Variants in LUZP2 observed in about 807,000 individuals in gnomAD.
The protein encoded by LUZP2 is leucine zipper protein 2.
In LUZP2, 52 loss-of-function variants were observed where a neutral mutation model predicts 51.6. The ratio of observed to expected loss-of-function variants is 1.01; its 90% CI spans 0.81 to 1.27. The LOEUF (loss-of-function observed/expected upper bound fraction) is 1.27. Ranked by LOEUF, LUZP2 falls within the 50% of genes most tolerant of loss-of-function variation. The pLI, the probability that LUZP2 is intolerant of heterozygous loss-of-function variation, is 0.00. For synonymous variants in LUZP2, 154 were observed against 137.3 expected (o/e 1.12, Z -0.85); for missense variants, 436 against 395.4 (o/e 1.10, Z -0.87).
intron 4 of LUZP2, among the ~76,000 whole-genome samples, chr11:24,761,103 T>G (rs1859961975): frequency 6.6e-6 from 1 of 152,166 alleles, no homozygotes; most frequent in Non-Finnish European, 1.5e-5. Context: ...TAATCTGTTC[T>G]TGCATTGTTA....
intron 9 of LUZP2, among the ~76,000 whole-genome samples, chr11:25,013,296 T>G (rs1857033834): frequency 1.3e-5 from 2 of 152,066 alleles, no homozygotes; most frequent in African/African-American, 2.4e-5. Context: ...AAAAAATGAA[T>G]GTTTAACAGC....
At chr11:24,898,520 G>A (rs111820496) in intron 5 of LUZP2, among the ~76,000 whole-genome samples, 1 of 152,116 alleles carries the variant, frequency 6.6e-6, no homozygotes, top group African/African-American at 2.4e-5. Flanking sequence ...CTACGCGGGA[G>A]CCTGAGGCAG....
intron 4 of LUZP2, among the ~76,000 whole-genome samples, chr11:24,754,041 A>G (rs1859686384): frequency 6.6e-6 from 1 of 152,030 alleles, no homozygotes; most frequent in South Asian, 2.1e-4. Context: ...ATTAATTTCC[A>G]TTTTATTCAT....
intron 5 of LUZP2, among the ~76,000 whole-genome samples, chr11:24,875,251 C>T (rs956219703): frequency 7.0e-6 from 1 of 143,598 alleles, no homozygotes; most frequent in Non-Finnish European, 1.5e-5. Flanking sequence ...ATCCTTCCCC[C>T]CTCCCCTCAC....
At chr11:24,637,609 G>A (rs368830336) in intron 1 of LUZP2, among the ~76,000 whole-genome samples, 40 of 151,792 alleles carry the variant, frequency 2.6e-4, no homozygotes, top group African/African-American at 8.7e-4. Flanking sequence ...CCTGGGGGGC[G>A]GTCTATGAAC....
At chr11:24,807,282 G>A (rs770864917) in intron 5 of LUZP2, among the ~76,000 whole-genome samples, 1 of 151,848 alleles carries the variant, frequency 6.6e-6, no homozygotes, top group Non-Finnish European at 1.5e-5. Flanking sequence ...TGACTAACAC[G>A]GTGAAACACT....
At chr11:24,876,346 A>C (rs2134280055) in intron 5 of LUZP2, among the ~76,000 whole-genome samples, 1 of 150,104 alleles carries the variant, frequency 6.7e-6, no homozygotes, top group Non-Finnish European at 1.5e-5. Context: ...ACCATTTATT[A>C]AATAGGGAAT....
At chr11:24,838,462 C>A (rs1339609913) in intron 5 of LUZP2, among the ~76,000 whole-genome samples, 1 of 151,602 alleles carries the variant, frequency 6.6e-6, no homozygotes, top group Non-Finnish European at 1.5e-5. Context: ...CTAAACACAG[C>A]ATTGTTTACA....
intron 9 of LUZP2, among the ~76,000 whole-genome samples, chr11:24,996,316 C>T (rs1434350449): frequency 6.6e-6 from 1 of 151,274 alleles, no homozygotes; most frequent in Non-Finnish European, 1.5e-5. Flanking sequence ...ATCTTTCTCT[C>T]TCTCTCTCTC....
At chr11:24,730,213 C>G (rs562431506) in intron 2 of LUZP2, among the ~76,000 whole-genome samples, 1 of 151,712 alleles carries the variant, frequency 6.6e-6, no homozygotes, top group African/African-American at 2.4e-5. Context: ...GTGCTAGATA[C>G]TCTTTCTACA....
At chr11:24,735,604 C>T (rs995205724) in intron 3 of LUZP2, among the ~76,000 whole-genome samples, 13 of 151,836 alleles carry the variant, frequency 8.6e-5, no homozygotes, top group Non-Finnish European at 1.6e-4. Context: ...CTGATAGTCA[C>T]TAGAAAGAAA....
At chr11:24,993,601 C>A (rs894733550) in intron 9 of LUZP2, among the ~76,000 whole-genome samples, 1 of 152,040 alleles carries the variant, frequency 6.6e-6, no homozygotes, top group Admixed American at 6.6e-5. Context: ...TACCATTATG[C>A]GATGCCTTTT....
rs146517531 is a variant in LUZP2 at position 24,538,035 on chromosome 11, G to A, written c.62+40730G>A. On this transcript the variant is annotated intron_variant, in intron 1 of 11. Transcript: ENST00000336930. ...CCACTTCTTTGAAGAGAAGGAACTA[G>A]TACATTTCCTCCATGAGCTCAAACA... Among the ~76,000 whole-genome samples, 1,260 of 151,816 alleles carry A rather than the reference G, an allele frequency of 8.3e-3. 9 individuals carry two copies. Among genetic ancestry groups the A allele is most frequent in the Admixed American group, 0.014 (212 of 15,174 alleles).
intron 1 of LUZP2, among the ~76,000 whole-genome samples, chr11:24,592,527 T>A (rs1254797424): frequency 2.0e-5 from 3 of 152,200 alleles, no homozygotes; most frequent in Non-Finnish European, 2.9e-5. Context: ...TGTCTCAGTA[T>A]AGTTGTTTAC....
intron 5 of LUZP2, chr11:24,890,894 C>CT (rs34323542): frequency 0.51 from 378,315 of 738,152 alleles, 41,556 homozygotes; most frequent in Admixed American, 0.87. Flanking sequence ...AGTAAAAGTT[C>CT]TTTTTTTTTT....
chr11:24,770,855 C>T (rs769381915), intron 5 of LUZP2, among the ~76,000 whole-genome samples: 1 of 152,142 alleles, frequency 6.6e-6, no homozygotes, highest in Non-Finnish European at 1.5e-5. Flanking sequence ...AAAAACTCTA[C>T]AAACACACCA....
intron 9 of LUZP2, among the ~76,000 whole-genome samples, chr11:24,999,395 G>T (rs547948541): frequency 7.6e-6 from 1 of 131,942 alleles, no homozygotes; most frequent in South Asian, 2.5e-4. Flanking sequence ...AGGAAGATGG[G>T]GAGGAGGAGG....
intron 6 of LUZP2, among the ~76,000 whole-genome samples, chr11:24,906,521 A>G (rs1269952521): frequency 6.6e-6 from 1 of 150,988 alleles, no homozygotes; most frequent in Non-Finnish European, 1.5e-5. Flanking sequence ...AAATTGTCTC[A>G]TATATTTCTC....
At chr11:24,891,876 C>T (rs1187284743) in intron 5 of LUZP2, 1 of 985,208 alleles carries the variant, frequency 1.0e-6, no homozygotes, top group African/African-American at 1.7e-5. Flanking sequence ...CCTCAATTTC[C>T]AATACAAAAA....
Sources: allele counts gnomAD v4.1 joint callset (sites outside exome capture counted in the v4.1 genomes callset), GRCh38; gene constraint gnomAD v4.1.1; transcripts MANE v1.5; gene names NCBI Gene and HGNC (gene_info 2026-07-23, HGNC 2026-07-21).